ANTXR1: variants seen among roughly 807,000 people sequenced by gnomAD.
The protein encoded by ANTXR1 is anthrax toxin receptor 1.
ANTXR1 carries 19 observed loss-of-function variants against 78.1 expected under a neutral mutation model. The observed-to-expected ratio is 0.24, with a 90% CI of 0.17 to 0.36. The LOEUF is 0.36. ANTXR1 is among the 10% of genes least tolerant of loss of function. The pLI is 1.00. For missense variants in ANTXR1, 518 were observed against 718.6 expected (o/e 0.72, Z 3.19); for synonymous variants, 273 against 260.5 (o/e 1.05, Z -0.46).
rs750023635 is a variant in ANTXR1 at position 69,181,770 on chromosome 2, C to A, written c.1090-16C>A. 6.2e-7 allele frequency: 1 copy of A among 1,613,604 alleles called. No individual in the cohort carries two copies. The highest frequency in any genetic ancestry group is 8.5e-7 in the Non-Finnish European group (1 of 1,179,588). On this transcript the variant is annotated splice_polypyrimidine_tract_variant and intron_variant, in intron 14 of 17. Coordinates refer to ENST00000303714, the MANE Select transcript of ANTXR1 (RefSeq NM_032208.3). The stretch of plus-strand genomic sequence containing the variant: ...GTGCTGTTTTGCTTCCTTCATGTGC[C>A]ACAATTTCTCTGCAGGAAGAAGATG...
intron 17 of ANTXR1, among the ~76,000 whole-genome samples, chr2:69,235,520 T>C (rs1675736082): frequency 6.6e-6 from 1 of 151,616 alleles, no homozygotes; most frequent in Admixed American, 6.6e-5. Context: ...GGTGTGGTGG[T>C]GCATTCCTGT....
chr2:69,077,598 G>C (rs1670775077), intron 8 of ANTXR1, 110 bp downstream of exon 8: 1 of 1,156,082 alleles, frequency 8.6e-7, no homozygotes, highest in African/African-American at 1.5e-5. Context: ...CTGCTTAAGA[G>C]AACATCATTT....
chr2:69,225,740 C>T (rs1675431083), intron 17 of ANTXR1, among the ~76,000 whole-genome samples: 1 of 152,160 alleles, frequency 6.6e-6, no homozygotes, highest in African/African-American at 2.4e-5. Context: ...ACTCCCTCTC[C>T]AGCTTCACAA....
At chr2:69,238,973 C>T (rs1390568413) in intron 17 of ANTXR1, among the ~76,000 whole-genome samples, 2 of 152,190 alleles carry the variant, frequency 1.3e-5, no homozygotes. Context: ...GAGCTCACCA[C>T]TGGCAAGTCT....
chr2:69,228,944 G>A (rs1022513830), intron 17 of ANTXR1, among the ~76,000 whole-genome samples: 3 of 152,124 alleles, frequency 2.0e-5, no homozygotes, highest in Non-Finnish European at 4.4e-5. Flanking sequence ...CTGAGATCAG[G>A]GTGCCAGTGT....
intron 12 of ANTXR1, among the ~76,000 whole-genome samples, chr2:69,148,685 C>G (rs1197419172): frequency 6.6e-6 from 1 of 152,150 alleles, no homozygotes; most frequent in Non-Finnish European, 1.5e-5. Context: ...GCTGTGCTAA[C>G]AACAATGTTA....
intron 13 of ANTXR1, among the ~76,000 whole-genome samples, chr2:69,169,554 A>G (rs1385370218): frequency 1.3e-5 from 2 of 152,198 alleles, no homozygotes; most frequent in Non-Finnish European, 2.9e-5. Context: ...CTCATGGGTT[A>G]GACTGTCTCC....
intron 1 of ANTXR1, among the ~76,000 whole-genome samples, chr2:69,015,411 A>C (rs1430218988): frequency 6.6e-6 from 1 of 152,172 alleles, no homozygotes; most frequent in Non-Finnish European, 1.5e-5. Flanking sequence ...GAATAGGTGG[A>C]TAGAGTAGAA....
chr2:69,230,443 A>C (rs1474866971), intron 17 of ANTXR1, among the ~76,000 whole-genome samples: 1 of 152,228 alleles, frequency 6.6e-6, no homozygotes, highest in East Asian at 1.9e-4. Context: ...TAGGGTAGAC[A>C]TGGAGAGTTA....
At chr2:69,071,684 T>G in intron 4 of ANTXR1, 70 bp from the exon 5 acceptor site, 3 of 1,473,106 alleles carry the variant, frequency 2.0e-6, no homozygotes, top group Non-Finnish European at 2.9e-6. Flanking sequence ...ACAGAGCCCA[T>G]TATCCACTAT....
At chr2:69,136,621 C>A (rs1336220688) in intron 12 of ANTXR1, among the ~76,000 whole-genome samples, 1 of 152,128 alleles carries the variant, frequency 6.6e-6, no homozygotes, top group Non-Finnish European at 1.5e-5. Context: ...ACTTGGAATG[C>A]AGCTAAGTGG....
chr2:69,188,627 G>C (rs566467366), intron 16 of ANTXR1, among the ~76,000 whole-genome samples: 9 of 152,380 alleles, frequency 5.9e-5, no homozygotes, highest in African/African-American at 1.9e-4. Context: ...ATAAATGTCA[G>C]CTAATACAAT....
chr2:69,208,487 T>C (rs1407588959), intron 17 of ANTXR1, among the ~76,000 whole-genome samples: 1 of 152,210 alleles, frequency 6.6e-6, no homozygotes, highest in Non-Finnish European at 1.5e-5. Context: ...ATAGGAAATA[T>C]TTCTTTAGTG....
At chr2:69,091,749 G>A (rs754900414) in intron 9 of ANTXR1, among the ~76,000 whole-genome samples, 7 of 152,140 alleles carry the variant, frequency 4.6e-5, no homozygotes, top group Non-Finnish European at 8.8e-5. Flanking sequence ...GGTAGTGGAC[G>A]GCTCTGGTTG....
chr2:69,084,591 GTTTTT>G (rs10708895), intron 8 of ANTXR1, among the ~76,000 whole-genome samples: 1 of 109,138 alleles, frequency 9.2e-6, no homozygotes. Context: ...TATTTGTAAA[GTTTTT>G]TTTTTTTTTT....
In ANTXR1 at chr2:69,209,115, A is replaced by G. The variant is rs898114434; in HGVS notation, c.1434+15700A>G. 2.0e-5 allele frequency among the ~76,000 whole-genome samples: 3 copies of G among 152,216 alleles called. 1 individual carries two copies. The highest frequency in any genetic ancestry group is 7.2e-5 in the African/African-American group (3 of 41,456). On this transcript the variant is annotated intron_variant, in intron 17 of 17. Transcript: ENST00000303714. ...GGTCTCTCTACTGCTTCTTCCCTGC[A>G]ACATCATCACAGAGAAGAACTTGCA...
intron 17 of ANTXR1, among the ~76,000 whole-genome samples, chr2:69,198,286 G>A (rs984276971): frequency 2.6e-5 from 4 of 151,994 alleles, no homozygotes; most frequent in African/African-American, 4.8e-5. Context: ...TATTATTAAC[G>A]TACCTATTTG....
intron 17 of ANTXR1, among the ~76,000 whole-genome samples, chr2:69,205,702 G>A (rs73934801): frequency 0.03 from 4,498 of 151,066 alleles, 249 homozygotes; most frequent in African/African-American, 0.1. Context: ...ACAGCTGTTT[G>A]CAAACTTCAT....
intron 17 of ANTXR1, among the ~76,000 whole-genome samples, chr2:69,217,109 G>C (rs4353686): frequency 6.6e-6 from 1 of 152,020 alleles, no homozygotes; most frequent in Non-Finnish European, 1.5e-5. Context: ...ATTCGCTTTC[G>C]GCAAACCTTT....
Sources: allele counts gnomAD v4.1 joint callset (sites outside exome capture counted in the v4.1 genomes callset), GRCh38; gene constraint gnomAD v4.1.1; transcripts MANE v1.5; gene names NCBI Gene and HGNC (gene_info 2026-07-23, HGNC 2026-07-21).